The following HIVEP2 variants were observed in gnomAD, a reference collection of about 807,000 sequenced individuals.
The protein encoded by HIVEP2 is transcription factor HIVEP2.
Under a neutral mutation model 180.7 loss-of-function variants are expected in HIVEP2, and 14 were observed. That is an observed-to-expected ratio of 0.08 (90% CI 0.05 to 0.12). The LOEUF (loss-of-function observed/expected upper bound fraction) is 0.12. HIVEP2 is among the 10% of genes least tolerant of loss of function. The pLI, the probability that HIVEP2 is intolerant of heterozygous loss-of-function variation, is 1.00. For missense variants in HIVEP2, 2,579 were observed against 3,008.5 expected (o/e 0.86, Z 3.34); for synonymous variants, 1,184 against 1,136.4 (o/e 1.04, Z -0.84).
In HIVEP2 at chr6:142,753,169, C is replaced by A; in HGVS notation, c.7279G>T (p.Glu2427Ter). The A allele has an allele frequency of 6.8e-6, 11 of 1,613,924 alleles. No individual in the cohort carries two copies. Among genetic ancestry groups the A allele is most frequent in the Non-Finnish European group, 9.3e-6 (11 of 1,179,788 alleles). The change falls in exon 10 of 10, where the codon GAA becomes TAA. Residue 2427 changes from glutamate to a stop codon, truncating the protein, a stop_gained. Transcript: ENST00000367603. LOFTEE classifies it high-confidence loss of function. ...CTTTCCTCTGTGCTTGAAGATAATT[C>A]CTTGCTGCTGTGAAAGTCCAACTGC... ...DKQLDFHSSKELSSSTEESKD... is the reference protein window; with the variant it reads ...DKQLDFHSSK
intron 2 of HIVEP2, among the ~76,000 whole-genome samples, chr6:142,790,326 T>A (rs1002619066): frequency 3.3e-5 from 5 of 152,192 alleles, no homozygotes; most frequent in African/African-American, 9.6e-5. Context: ...TGCTCTCTCT[T>A]TTGTGATACA....
chr6:142,868,825 A>C (rs1776211797), intron 1 of HIVEP2, among the ~76,000 whole-genome samples: 1 of 152,232 alleles, frequency 6.6e-6, no homozygotes, highest in Non-Finnish European at 1.5e-5. Flanking sequence ...TTAATCAGAA[A>C]ACACTTATCC....
At chr6:142,849,466 T>A (rs1484066619) in intron 1 of HIVEP2, among the ~76,000 whole-genome samples, 2 of 152,200 alleles carry the variant, frequency 1.3e-5, no homozygotes, top group Admixed American at 1.3e-4. Flanking sequence ...GAAAAACTAG[T>A]ATTGAAGACT....
intron 1 of HIVEP2, among the ~76,000 whole-genome samples, chr6:142,916,059 A>G (rs1777542417): frequency 6.6e-6 from 1 of 152,118 alleles, no homozygotes; most frequent in Non-Finnish European, 1.5e-5. Flanking sequence ...TACAGGTACT[A>G]TCAAGCCCTA....
chr6:142,806,756 T>C (rs2114779097), intron 2 of HIVEP2, among the ~76,000 whole-genome samples: 1 of 152,302 alleles, frequency 6.6e-6, no homozygotes, highest in South Asian at 2.1e-4. Flanking sequence ...GCATACCATG[T>C]GATGTTCTTA....
At chr6:142,769,341 C>A (rs964109397) in intron 5 of HIVEP2, among the ~76,000 whole-genome samples, 3 of 152,158 alleles carry the variant, frequency 2.0e-5, no homozygotes, top group Admixed American at 2.0e-4. Flanking sequence ...TAGGCTTTTT[C>A]TTCTGAAAAT....
intron 1 of HIVEP2, among the ~76,000 whole-genome samples, chr6:142,840,790 T>C (rs1028979682): frequency 1.3e-5 from 2 of 152,124 alleles, no homozygotes; most frequent in South Asian, 2.1e-4. Context: ...GGCAAAAATA[T>C]GTTTATAATG....
intron 1 of HIVEP2, among the ~76,000 whole-genome samples, chr6:142,924,508 T>C (rs1777756750): frequency 6.6e-6 from 1 of 152,222 alleles, no homozygotes; most frequent in Non-Finnish European, 1.5e-5. Context: ...CAAGATACAA[T>C]GGAAGATTGC....
At chr6:142,802,296 A>C (rs1462496373) in intron 2 of HIVEP2, among the ~76,000 whole-genome samples, 1 of 152,172 alleles carries the variant, frequency 6.6e-6, no homozygotes, top group Admixed American at 6.6e-5. Context: ...GAAGTTGCAC[A>C]CAGGGACTTC....
intron 1 of HIVEP2, among the ~76,000 whole-genome samples, chr6:142,898,464 C>T (rs1318306796): frequency 6.6e-6 from 1 of 152,048 alleles, no homozygotes; most frequent in African/African-American, 2.4e-5. Flanking sequence ...GAGTTCAAGA[C>T]CAGCCTGGCC....
intron 7 of HIVEP2, among the ~76,000 whole-genome samples, chr6:142,763,292 C>G (rs1238297406): frequency 6.6e-6 from 1 of 152,142 alleles, no homozygotes; most frequent in Middle Eastern, 3.4e-3. Context: ...AGAAGTGGCA[C>G]AGACAAGGAG....
intron 9 of HIVEP2, among the ~76,000 whole-genome samples, chr6:142,759,307 A>AT (rs1442748155): frequency 2.6e-5 from 4 of 152,118 alleles, no homozygotes; most frequent in Non-Finnish European, 5.9e-5. Flanking sequence ...TGTCTCAAAA[A>AT]AAATAAATAA....
In HIVEP2 at chr6:142,894,427, C is replaced by G. The variant is rs935985029; in HGVS notation, c.-641+50672G>C. Among the ~76,000 whole-genome samples the G allele has an allele frequency of 2.0e-5, 3 of 152,262 alleles. No homozygotes were observed. The South Asian group carries it at 6.2e-4, about 32-fold the overall frequency. On this transcript the variant is annotated intron_variant, in intron 1 of 9. Transcript: ENST00000367603. ...TTTGACTGTTCAAGAGCACAGGGGC[C>G]ATATCTTACTCATCATTTTATAGCC...
intron 1 of HIVEP2, among the ~76,000 whole-genome samples, chr6:142,878,137 T>C (rs1332607035): frequency 6.6e-6 from 1 of 152,202 alleles, no homozygotes; most frequent in Non-Finnish European, 1.5e-5. Flanking sequence ...ATTTCTGATA[T>C]CATTTAAACT....
At chr6:142,820,630 G>A (rs1210590643) in intron 2 of HIVEP2, among the ~76,000 whole-genome samples, 1 of 152,054 alleles carries the variant, frequency 6.6e-6, no homozygotes, top group Non-Finnish European at 1.5e-5. Flanking sequence ...ATTCACTTCC[G>A]AAATGTGAAT....
rs2114644204 is a variant in HIVEP2 at position 142,769,912 on chromosome 6, G to A, written c.4827C>T (p.Val1609=). Residue 1609 remains valine, a synonymous_variant, in exon 5 of 10, where the codon GTC becomes GTT. Transcript: ENST00000367603. The part of the protein sequence containing the change: ...KGHKRPVGML[V]RMASAPSGNV... ...TCCCGCTGGGGGCAGAGGCCATGCG[G>A]ACCAGCATGCCAACAGGCCGCTTGT... 6.2e-7 allele frequency: 1 copy of A among 1,614,050 alleles called. No homozygotes were observed.
At chr6:142,820,902 CT>C (rs1004998095) in intron 2 of HIVEP2, among the ~76,000 whole-genome samples, 1 of 152,130 alleles carries the variant, frequency 6.6e-6, no homozygotes, top group African/African-American at 2.4e-5. Context: ...GATTTGCAGA[CT>C]TTTAACTAGT....
chr6:142,937,581 CT>C (rs1006367094), intron 1 of HIVEP2, among the ~76,000 whole-genome samples: 6 of 152,184 alleles, frequency 3.9e-5, no homozygotes, highest in Non-Finnish European at 8.8e-5. Context: ...CGTGGGCTAC[CT>C]GTTTATCCAT....
chr6:142,772,764 T>C lies in HIVEP2; in HGVS notation c.1975A>G (p.Arg659Gly). 6.2e-7 allele frequency: 1 copy of C among 1,614,220 alleles called. No homozygotes were observed. The highest frequency in any genetic ancestry group is 8.5e-7 in the Non-Finnish European group (1 of 1,180,034). The stretch of plus-strand genomic sequence containing the variant: ...AAAGAACTCAAGCAGGAAATGTCCC[T>C]GTAGTTTTGCTTTGGTGTTTCAGAG... Reference protein sequence around the residue: ...EDSETPKQNYRDISCLSSLKH... With the variant: ...EDSETPKQNYGDISCLSSLKH... The change falls in exon 5 of 10, where the codon AGG (arginine) becomes GGG (glycine). Residue 659 changes from arginine (R) to glycine (G), a missense_variant. Arg to Gly is a moderately radical substitution (Grantham distance 125). This residue lies in a region of HIVEP2 where 524 missense variants were observed against 563.6 expected (regional missense o/e 0.93). Transcript: ENST00000367603. This position sits in a 1 kb window ranked among gnomAD's most constrained non-coding sequence, Gnocchi z 4.9.
Sources: gnomAD v4.1 joint callset for allele counts (sites outside exome capture counted in the v4.1 genomes callset) on GRCh38, gnomAD v4.1.1 for gene constraint, gnomAD v4.1.1 regional missense constraint, Gnocchi (gnomAD v3.1) non-coding constraint, MANE v1.5 for transcripts, NCBI Gene and HGNC (gene_info 2026-07-23, HGNC 2026-07-21) for gene names.